Variants in PRDM16 observed in about 807,000 individuals in gnomAD.
The protein encoded by PRDM16 is PR/SET domain 16, also known as histone-lysine N-methyltransferase PRDM16.
PRDM16 carries 23 observed loss-of-function variants against 110.6 expected under a neutral mutation model. The observed-to-expected ratio is 0.21, with a 90% CI of 0.15 to 0.29. The LOEUF (loss-of-function observed/expected upper bound fraction) is 0.29, where lower values mean the gene tolerates loss of function less well. Among genes scored for constraint, PRDM16 ranks in the 10% least tolerant of loss-of-function variants. PRDM16 has a pLI of 1.00. For synonymous variants in PRDM16, 799 were observed against 781.8 expected (o/e 1.02, Z -0.37); for missense variants, 1,615 against 1,794.3 (o/e 0.90, Z 1.81).
At position 3,246,881 on chromosome 1, in the gene PRDM16, G is replaced by T. The variant is rs938772042; in HGVS notation, c.438+2744G>T. 6.6e-6 allele frequency among the ~76,000 whole-genome samples: 1 copy of T among 152,116 alleles called. No homozygotes were observed. Among genetic ancestry groups the T allele is most frequent in the African/African-American group, 2.4e-5 (1 of 41,412 alleles). On this transcript the variant is annotated intron_variant, in intron 3 of 16. Coordinates refer to ENST00000270722, the MANE Select transcript of PRDM16 (RefSeq NM_022114.4). The surrounding 1 kb of genome is among the most constrained non-coding windows in gnomAD (Gnocchi z 5.2). ...AAAGGCAAAGTCTTCAGACTCGGGG[G>T]CCAGGAAGACCAGGACAGACAGCCC...
At chr1:3,112,353 C>T (rs1382604346) in intron 1 of PRDM16, among the ~76,000 whole-genome samples, 3 of 152,196 alleles carry the variant, frequency 2.0e-5, no homozygotes, top group Non-Finnish European at 2.9e-5. Flanking sequence ...CATCGTGGGC[C>T]CCGGGAACCG....
intron 1 of PRDM16, among the ~76,000 whole-genome samples, chr1:3,183,595 C>T (rs1433404377): frequency 3.3e-5 from 5 of 152,224 alleles, no homozygotes; most frequent in Admixed American, 6.5e-5. Context: ...GGAAGGGAGG[C>T]CGGGGGCCCA....
intron 3 of PRDM16, among the ~76,000 whole-genome samples, chr1:3,272,392 CAG>C (rs1186544226): frequency 6.6e-6 from 1 of 152,100 alleles, no homozygotes; most frequent in Non-Finnish European, 1.5e-5. Context: ...TTGCAGCTCT[CAG>C]GGCACAGAGA....
chr1:3,404,227 G>A lies in PRDM16; in HGVS notation c.885-512G>A, dbSNP rs374605880. On this transcript the variant is annotated intron_variant, in intron 6 of 16. Transcript: ENST00000270722. ...AGCGACTCCTTCATCCAAGTGCAGCGGCCCCTCCGAGCAGCTGTGCTCGGG... is the reference window on the plus strand; with the variant it reads ...AGCGACTCCTTCATCCAAGTGCAGCAGCCCCTCCGAGCAGCTGTGCTCGGG... 1.1e-3 allele frequency among the ~76,000 whole-genome samples: 160 copies of A among 152,300 alleles called. 2 individuals are homozygous for A. The highest frequency in any genetic ancestry group is 6.0e-3 in the South Asian group (29 of 4,824).
At chr1:3,152,393 CATCCATCCATTT>C (rs1341998410) in intron 1 of PRDM16, among the ~76,000 whole-genome samples, 2 of 123,986 alleles carry the variant, frequency 1.6e-5, no homozygotes, top group African/African-American at 8.2e-5. Flanking sequence ...TTTATCCATC[CATCCATCCATTT>C]ATCCATCCAT....
chr1:3,169,938 G>C (rs188818734), intron 1 of PRDM16, among the ~76,000 whole-genome samples: 2 of 152,272 alleles, frequency 1.3e-5, no homozygotes, highest in African/African-American at 4.8e-5. Flanking sequence ...CGCGCGCTCC[G>C]AGTAATCGGG....
intron 1 of PRDM16, among the ~76,000 whole-genome samples, chr1:3,134,381 G>T (rs1643394886): frequency 6.6e-6 from 1 of 152,244 alleles, no homozygotes; most frequent in Non-Finnish European, 1.5e-5. Flanking sequence ...GCATGGCACG[G>T]GCATGGGCTG....
At chr1:3,312,320 G>T (rs1641480995) in intron 3 of PRDM16, among the ~76,000 whole-genome samples, 1 of 152,238 alleles carries the variant, frequency 6.6e-6, no homozygotes, top group Admixed American at 6.5e-5. Flanking sequence ...AGGCTGGCGG[G>T]GTTGGTAGCA....
intron 3 of PRDM16, among the ~76,000 whole-genome samples, chr1:3,371,208 C>CCAT (rs1642900778): frequency 5.4e-5 from 1 of 18,486 alleles, no homozygotes; most frequent in Admixed American, 5.6e-4. Context: ...CATCCATCCA[C>CCAT]CCACCCACCC....
At chr1:3,376,987 A>G (rs1643001509) in intron 3 of PRDM16, among the ~76,000 whole-genome samples, 1 of 152,014 alleles carries the variant, frequency 6.6e-6, no homozygotes, top group Admixed American at 6.6e-5. Context: ...TGTTTCCAGA[A>G]CGCCTTTCCC....
intron 2 of PRDM16, among the ~76,000 whole-genome samples, chr1:3,240,056 A>AGGAGAAGAGG (rs1220138751): frequency 1.9e-5 from 2 of 103,398 alleles, no homozygotes; most frequent in Non-Finnish European, 3.8e-5. Flanking sequence ...AGGAGAGGAG[A>AGGAGAAGAGG]AGAGGAGAGG....
At chr1:3,075,707 C>T (rs753002608) in intron 1 of PRDM16, among the ~76,000 whole-genome samples, 19 of 152,268 alleles carry the variant, frequency 1.2e-4, no homozygotes, top group East Asian at 7.7e-4. Context: ...GCGTTTTCCG[C>T]GCTGATGGCG....
At position 3,434,021 on chromosome 1, in the gene PRDM16, G is replaced by C. The variant is rs1557675482; in HGVS notation, c.*210G>C. The C allele has an allele frequency of 7.0e-6, 4 of 572,952 alleles. No individual in the cohort carries two copies. Among genetic ancestry groups the C allele is most frequent in the Non-Finnish European group, 9.2e-6 (3 of 327,320 alleles). 35.5% of individuals were successfully genotyped at this position (572,952 alleles called of 1,614,324 possible). A position where few individuals can be genotyped will look rare whatever the true frequency, so the allele number is the denominator to read the frequency against. On this transcript the variant is annotated 3_prime_UTR_variant, in exon 17 of 17. Transcript: ENST00000270722. ...TAGAGTCTCACCATCTCCAAGGATT[G>C]GTCTTGAGAACACTGTTCAGTGACG...
chr1:3,363,250 G>A (rs932086677), intron 3 of PRDM16, among the ~76,000 whole-genome samples: 2 of 152,208 alleles, frequency 1.3e-5, no homozygotes, highest in Admixed American at 6.5e-5. Context: ...CTCTCAAGAC[G>A]GGTGTCCCAT....
intron 3 of PRDM16, among the ~76,000 whole-genome samples, chr1:3,327,642 C>A (rs1381293600): frequency 1.3e-5 from 2 of 151,714 alleles, no homozygotes; most frequent in Non-Finnish European, 2.9e-5. Flanking sequence ...TTCTTGGAGG[C>A]GGAGGTTACA....
chr1:3,141,915 T>A (rs554305958), intron 1 of PRDM16, among the ~76,000 whole-genome samples: 1 of 152,282 alleles, frequency 6.6e-6, no homozygotes, highest in South Asian at 2.1e-4. Context: ...CTGCCCACGG[T>A]AGGGGATTTT....
intron 1 of PRDM16, among the ~76,000 whole-genome samples, chr1:3,116,364 T>C (rs1642959624): frequency 6.6e-6 from 1 of 152,108 alleles, no homozygotes; most frequent in Admixed American, 6.5e-5. Flanking sequence ...CCAGGGCCAA[T>C]GACGGGGGGG....
At chr1:3,218,710 G>A (rs546584755) in intron 2 of PRDM16, among the ~76,000 whole-genome samples, 10 of 152,240 alleles carry the variant, frequency 6.6e-5, no homozygotes, top group South Asian at 6.2e-4. Flanking sequence ...TTCTACCCAC[G>A]AGCTGGGGTC....
chr1:3,367,952 AAAAGC>A (rs746435605), intron 3 of PRDM16, among the ~76,000 whole-genome samples: 103 of 152,392 alleles, frequency 6.8e-4, no homozygotes, highest in Non-Finnish European at 1.4e-3. Context: ...AAGACTAAAC[AAAAGC>A]AACTTAACGT....
Sources: gnomAD v4.1 joint callset for allele counts (sites outside exome capture counted in the v4.1 genomes callset) on GRCh38, gnomAD v4.1.1 for gene constraint, Gnocchi (gnomAD v3.1) non-coding constraint, MANE v1.5 for transcripts, NCBI Gene and HGNC (gene_info 2026-07-23, HGNC 2026-07-21) for gene names.